Variants in BTNL8 observed in about 807,000 individuals in gnomAD.
BTNL8 encodes butyrophilin-like protein 8.
Under a neutral mutation model 36.1 loss-of-function variants are expected in BTNL8, and 22 were observed. That is an observed-to-expected ratio of 0.61 (90% CI 0.44 to 0.87). The LOEUF (loss-of-function observed/expected upper bound fraction) is 0.87, where lower values mean the gene tolerates loss of function less well. Among genes scored for constraint, BTNL8 ranks in the 40% least tolerant of loss-of-function variants. The probability of loss-of-function intolerance (pLI) is 0.00; values close to 1 mark genes in which losing one functional copy is unlikely to be tolerated. For synonymous variants in BTNL8, 203 were observed against 235.6 expected, an observed-to-expected ratio of 0.86 and a Z score of 1.27; for missense variants, 526 against 616.9, an observed-to-expected ratio of 0.85 and a Z score of 1.56.
chr5:180,927,034 C>G (rs6872319), intron 3 of BTNL8, among the ~76,000 whole-genome samples: 4 of 151,926 alleles, frequency 2.6e-5, no homozygotes, highest in Admixed American at 1.3e-4. Context: ...CTGAAAGACA[C>G]CTCCCAGCAG....
chr5:180,940,781 T>C (rs1414484458), intron 3 of BTNL8, among the ~76,000 whole-genome samples: 1 of 152,068 alleles, frequency 6.6e-6, no homozygotes, highest in Non-Finnish European at 1.5e-5. Flanking sequence ...AAGAACTATA[T>C]GCCACGGGGC....
intron 3 of BTNL8, among the ~76,000 whole-genome samples, chr5:180,917,669 A>G (rs1757696652): frequency 6.6e-6 from 1 of 152,242 alleles, no homozygotes; most frequent in East Asian, 1.9e-4. Context: ...AATCCTCCCA[A>G]CAAAGAAAAT....
Position 180,899,203 on chromosome 5 carries a change from G to C in BTNL8, c.-108G>C. The C allele has an allele frequency of 1.5e-6, 2 of 1,354,562 alleles. No individual in the cohort carries two copies. Among genetic ancestry groups the C allele is most frequent in the Non-Finnish European group, 2.1e-6 (2 of 951,860 alleles). 83.9% of individuals were successfully genotyped at this position (1,354,562 alleles called of 1,614,324 possible). A position where few individuals can be genotyped will look rare whatever the true frequency, so the allele number is the denominator to read the frequency against. ...TCCGCTCACGCAGAGCCTCTCCGTG[G>C]CTTCCGCACCTTGAGCATTAGGCCA... On this transcript the variant is annotated 5_prime_UTR_variant, in exon 1 of 8. Coordinates refer to ENST00000340184, the MANE Select transcript of BTNL8 (RefSeq NM_001040462.3).
chr5:180,902,477 C>A, intron 1 of BTNL8: 1 of 1,436,984 alleles, frequency 7.0e-7, no homozygotes, highest in Non-Finnish European at 9.6e-7. Flanking sequence ...ACATCTCCAG[C>A]CCAGCCCAAT....
At chr5:180,925,260 C>G (rs1166523733) in intron 3 of BTNL8, among the ~76,000 whole-genome samples, 1 of 152,050 alleles carries the variant, frequency 6.6e-6, no homozygotes, top group African/African-American at 2.4e-5. Flanking sequence ...TGAAAATTTC[C>G]CAAATGTGGT....
intron 3 of BTNL8, 147 bp from the exon 4 acceptor site, chr5:180,947,364 CA>C (rs1759311789): frequency 1.8e-6 from 2 of 1,132,802 alleles, no homozygotes; most frequent in South Asian, 3.1e-5. Flanking sequence ...CATTTTATAA[CA>C]AAAGTACAAT....
Position 180,950,166 on chromosome 5 carries a change from T to C in BTNL8, c.1125T>C (p.His375=), listed in dbSNP as rs761458116. 4.1e-6 allele frequency: 6 copies of C among 1,462,836 alleles called. 2 individuals are homozygous for C. Among genetic ancestry groups the C allele is most frequent in the Non-Finnish European group, 5.7e-6 (6 of 1,058,888 alleles). The allele number at this position is 1,462,836 out of a possible 1,614,324, so 90.6% of individuals were successfully genotyped here. ...AGTACGTGACTTTGTCTCCCGATCA[T>C]GGGTACTGGGTCCTCAGACTGAATG... ...RKEYVTLSPD[H]GYWVLRLNGE... The change falls in exon 8 of 8, where the codon CAT becomes CAC. Residue 375 remains histidine (H), a synonymous_variant. Coordinates refer to ENST00000340184, the MANE Select transcript of BTNL8 (RefSeq NM_001040462.3).
At chr5:180,933,875 T>C (rs1164119523) in intron 3 of BTNL8, among the ~76,000 whole-genome samples, 1 of 151,976 alleles carries the variant, frequency 6.6e-6, no homozygotes, top group Non-Finnish European at 1.5e-5. Flanking sequence ...AAAGAAAAAC[T>C]GCCAGCATTT....
intron 1 of BTNL8, among the ~76,000 whole-genome samples, chr5:180,905,317 G>C (rs1757029182): frequency 1.3e-5 from 2 of 148,938 alleles, no homozygotes; most frequent in Non-Finnish European, 3.0e-5. Context: ...TTTGCATAGA[G>C]GTGTTTGTAG....
chr5:180,950,125 G>A lies in BTNL8; in HGVS notation c.1084G>A (p.Val362Met), dbSNP rs1759481802. Reference protein sequence around the residue: ...RWRVGVCRDDVDRRKEYVTLS... With the variant: ...RWRVGVCRDDMDRRKEYVTLS... ...GCGCGTGGGAGTGTGCCGGGATGATGTGGACAGGAGGAAGGAGTACGTGAC... is the reference window on the plus strand; with the variant it reads ...GCGCGTGGGAGTGTGCCGGGATGATATGGACAGGAGGAAGGAGTACGTGAC... Residue 362 changes from valine (V) to methionine (M), a missense_variant, in exon 8 of 8, where the codon GTG becomes ATG. Val to Met is a conservative substitution (Grantham distance 21, BLOSUM62 1). Around this residue, in one of 2 missense-constraint regions of BTNL8, gnomAD observed 176 missense variants for 292.3 expected, o/e 0.60. Coordinates refer to ENST00000340184, the MANE Select transcript of BTNL8 (RefSeq NM_001040462.3). 1 of 1,462,866 alleles carries A rather than the reference G, an allele frequency of 6.8e-7. No individual in the cohort carries two copies. Among genetic ancestry groups the A allele is most frequent in the South Asian group, 1.1e-5 (1 of 89,268 alleles). The allele number at this position is 1,462,866 out of a possible 1,614,324, so 90.6% of individuals were successfully genotyped here.
intron 3 of BTNL8, among the ~76,000 whole-genome samples, chr5:180,927,707 C>A (rs1758168147): frequency 6.6e-6 from 1 of 151,868 alleles, no homozygotes; most frequent in South Asian, 2.1e-4. Context: ...ACAGCCAAAT[C>A]GATCAAGTGG....
intron 1 of BTNL8, among the ~76,000 whole-genome samples, chr5:180,908,365 C>A (rs1028837563): frequency 2.0e-4 from 31 of 152,186 alleles, no homozygotes; most frequent in Non-Finnish European, 8.8e-5. Context: ...CGCCCTGCTT[C>A]GGCTCGTGCA....
intron 3 of BTNL8, among the ~76,000 whole-genome samples, chr5:180,915,834 AC>A (rs1490661817): frequency 6.6e-6 from 1 of 152,204 alleles, no homozygotes; most frequent in East Asian, 1.9e-4. Flanking sequence ...AACATTCAAC[AC>A]CCTTTCATGA....
chr5:180,939,029 T>G (rs1218680752), intron 3 of BTNL8, among the ~76,000 whole-genome samples: 1 of 151,966 alleles, frequency 6.6e-6, no homozygotes. Flanking sequence ...GAAAACTCAC[T>G]GGAAGAATAG....
intron 3 of BTNL8, among the ~76,000 whole-genome samples, chr5:180,946,090 A>G (rs915445313): frequency 5.3e-5 from 8 of 152,238 alleles, no homozygotes; most frequent in African/African-American, 1.9e-4. Flanking sequence ...CCACAATGAG[A>G]TATCACCTTA....
In BTNL8 at chr5:180,935,685, C is replaced by T. The variant is rs1758616690; in HGVS notation, c.674-11827C>T. On this transcript the variant is annotated intron_variant, in intron 3 of 7. Transcript: ENST00000340184. The surrounding 1 kb of genome is among the most constrained non-coding windows in gnomAD (Gnocchi z 4.8). ...CAGTTGTGCCCCAGAGCACAGGACT[C>T]CTGCCCCGTGGACTTGGTAGAGAGT... Among the ~76,000 whole-genome samples the T allele has an allele frequency of 6.6e-6, 1 of 152,148 alleles. No homozygotes were observed. Among genetic ancestry groups the T allele is most frequent in the Non-Finnish European group, 1.5e-5 (1 of 68,008 alleles).
intron 3 of BTNL8, chr5:180,945,754 A>G (rs1759203961): frequency 2.0e-6 from 1 of 500,320 alleles, no homozygotes. Flanking sequence ...CCTGAGAGCA[A>G]GATGGGTCAC....
intron 1 of BTNL8, among the ~76,000 whole-genome samples, chr5:180,908,089 G>A (rs543310436): frequency 1.3e-5 from 2 of 152,368 alleles, no homozygotes; most frequent in Non-Finnish European, 2.9e-5. Flanking sequence ...CCTGGGCAAT[G>A]GCGGGCGCCC....
intron 1 of BTNL8, among the ~76,000 whole-genome samples, chr5:180,904,903 T>C (rs1180083218): frequency 6.6e-6 from 1 of 152,056 alleles, no homozygotes; most frequent in African/African-American, 2.4e-5. Context: ...ATAAGCTTTT[T>C]GATGTGCTGC....
Sources: gnomAD v4.1 joint callset for allele counts (sites outside exome capture counted in the v4.1 genomes callset) on GRCh38, gnomAD v4.1.1 for gene constraint, gnomAD v4.1.1 regional missense constraint, Gnocchi (gnomAD v3.1) non-coding constraint, MANE v1.5 for transcripts, NCBI Gene and HGNC (gene_info 2026-07-23, HGNC 2026-07-21) for gene names.